FILIP1L: variants seen among roughly 807,000 people sequenced by gnomAD.
FILIP1L encodes the protein filamin A-interacting protein 1-like.
A neutral mutation model predicts 96.6 loss-of-function variants in FILIP1L; 55 were observed. The ratio of observed to expected loss-of-function variants is 0.57; its 90% CI spans 0.46 to 0.71. The LOEUF (loss-of-function observed/expected upper bound fraction) is 0.71, where lower values mean the gene tolerates loss of function less well. FILIP1L is among the 30% of genes least tolerant of loss of function. FILIP1L has a pLI of 0.00. For missense variants in FILIP1L, 1,304 were observed against 1,321.2 expected, an observed-to-expected ratio of 0.99 and a Z score of 0.20; for synonymous variants, 467 against 473.9, an observed-to-expected ratio of 0.99 and a Z score of 0.19.
chr3:99,835,993 G>C (rs1260899181), intron 5 of FILIP1L, among the ~76,000 whole-genome samples: 1 of 152,152 alleles, frequency 6.6e-6, no homozygotes, highest in Non-Finnish European at 1.5e-5. Context: ...GTGAAGATGT[G>C]AGGGTATGTC....
chr3:100,027,265 C>A (rs1321092799), intron 1 of FILIP1L, among the ~76,000 whole-genome samples: 1 of 152,114 alleles, frequency 6.6e-6, no homozygotes, highest in African/African-American at 2.4e-5. Context: ...TGGATAGGGA[C>A]TTTATATGAT....
chr3:99,831,062 C>A (rs1408117799), intron 5 of FILIP1L, among the ~76,000 whole-genome samples: 1 of 152,150 alleles, frequency 6.6e-6, no homozygotes, highest in East Asian at 1.9e-4. Context: ...ATTAGTGGAA[C>A]AGCTTGGTAG....
At chr3:99,935,256 T>C in intron 1 of FILIP1L, among the ~76,000 whole-genome samples, 1 of 87,966 alleles carries the variant, frequency 1.1e-5, no homozygotes, top group Non-Finnish European at 2.2e-5. Flanking sequence ...TTTGGGATTT[T>C]CAGGGTACCA....
At chr3:100,083,140 C>G (rs1189365892) in intron 1 of FILIP1L, among the ~76,000 whole-genome samples, 1 of 152,128 alleles carries the variant, frequency 6.6e-6, no homozygotes, top group African/African-American at 2.4e-5. Context: ...CAGTCAGTAC[C>G]TGACAGGGTC....
At chr3:100,058,951 A>G (rs2065512111) in intron 1 of FILIP1L, among the ~76,000 whole-genome samples, 1 of 152,238 alleles carries the variant, frequency 6.6e-6, no homozygotes, top group African/African-American at 2.4e-5. Context: ...AGCATGGAGA[A>G]GGCATTTGGT....
intron 4 of FILIP1L, among the ~76,000 whole-genome samples, chr3:99,895,377 C>CT (rs35156845): frequency 0.022 from 2,766 of 128,086 alleles, 47 homozygotes; most frequent in Middle Eastern, 0.042. Flanking sequence ...GTCAGCAGGA[C>CT]TTTTTTTTTT....
chr3:99,972,091 T>C (rs1271900674), intron 1 of FILIP1L, among the ~76,000 whole-genome samples: 2 of 152,240 alleles, frequency 1.3e-5, no homozygotes, highest in Non-Finnish European at 1.5e-5. Flanking sequence ...GAGAGGAACC[T>C]GGTTCTGACA....
chr3:100,027,092 C>T (rs1184827492), intron 1 of FILIP1L, among the ~76,000 whole-genome samples: 1 of 152,124 alleles, frequency 6.6e-6, no homozygotes, highest in African/African-American at 2.4e-5. Flanking sequence ...GTCATCTTCT[C>T]AGTGAAACCT....
chr3:100,021,993 G>GAT (rs1559728716), intron 1 of FILIP1L, among the ~76,000 whole-genome samples: 9 of 146,560 alleles, frequency 6.1e-5, no homozygotes, highest in African/African-American at 2.3e-4. Context: ...GAGAGAGAGA[G>GAT]ATATGAGGGG....
At chr3:100,001,244 C>A (rs985904827) in intron 1 of FILIP1L, among the ~76,000 whole-genome samples, 1 of 152,184 alleles carries the variant, frequency 6.6e-6, no homozygotes, top group Non-Finnish European at 1.5e-5. Flanking sequence ...TCAAATCAGA[C>A]CCTTAATCTG....
intron 1 of FILIP1L, among the ~76,000 whole-genome samples, chr3:99,996,503 G>A (rs1323660358): frequency 2.0e-5 from 3 of 152,014 alleles, no homozygotes; most frequent in South Asian, 4.2e-4. Context: ...CCACATTTTC[G>A]GGTATCTTTT....
intron 5 of FILIP1L, among the ~76,000 whole-genome samples, chr3:99,845,687 C>T (rs1943333201): frequency 6.6e-6 from 1 of 152,158 alleles, no homozygotes; most frequent in Non-Finnish European, 1.5e-5. Flanking sequence ...CAGAAATCTA[C>T]ATTGTGTCAT....
At position 99,850,744 on chromosome 3, in the gene FILIP1L, G is replaced by A. The variant is rs369472685; in HGVS notation, c.932C>T (p.Ala311Val). The change falls in exon 5 of 6, where the codon GCG becomes GTG. Residue 311 changes from alanine (A) to valine (V), a missense_variant. Coordinates refer to ENST00000477258, the MANE Select transcript of FILIP1L (RefSeq NM_001387850.1). Reference sequence around the variant, plus strand: ...TTGACTGTCCTCATTGGTGAGCTTCGCCATAATTGTGTCTTGGTCTTGGTG... The same window carrying A: ...TTGACTGTCCTCATTGGTGAGCTTCACCATAATTGTGTCTTGGTCTTGGTG... ...KFHQDQDTIM[A>V]KLTNEDSQNR... 7.4e-6 allele frequency: 12 copies of A among 1,614,008 alleles called. No individual in the cohort carries two copies. The East Asian group carries it at 1.1e-4, about 15-fold the overall frequency.
At chr3:99,832,763 C>T (rs1391819215) in intron 5 of FILIP1L, among the ~76,000 whole-genome samples, 1 of 147,620 alleles carries the variant, frequency 6.8e-6, no homozygotes, top group African/African-American at 2.5e-5. Context: ...TCGCTTGAAC[C>T]CACGAGGCGG....
In FILIP1L at chr3:99,840,997, A is replaced by T. The variant is rs188100946; in HGVS notation, c.3381+7298T>A. Among the ~76,000 whole-genome samples, 10 of 152,330 alleles carry T rather than the reference A, an allele frequency of 6.6e-5. No individual in the cohort carries two copies. The East Asian group carries it at 1.9e-3, about 29-fold the overall frequency. ...ATACTCTTGTTTCATTTCTTTGCCC[A>T]GGTTAATAAGCTCTTCAAGGGCAGT... On this transcript the variant is annotated intron_variant, in intron 5 of 5. Coordinates refer to ENST00000477258, the MANE Select transcript of FILIP1L (RefSeq NM_001387850.1).
rs545027192 is a variant in FILIP1L, at chr3:99,903,880, T to C, written c.605+20350A>G. Among the ~76,000 whole-genome samples the C allele has an allele frequency of 6.1e-4, 93 of 152,334 alleles. 1 individual carries two copies. Among genetic ancestry groups the C allele is most frequent in the South Asian group, 1.9e-3 (9 of 4,822 alleles). On this transcript the variant is annotated intron_variant, in intron 4 of 5. Transcript: ENST00000477258. Reference sequence around the variant, plus strand: ...TAATAGAGCTGTCGTCCCCTGCTGCTTCATTTAATGGTACTCATTTGTCCT... The same window carrying C: ...TAATAGAGCTGTCGTCCCCTGCTGCCTCATTTAATGGTACTCATTTGTCCT...
At chr3:99,918,078 A>G (rs1211404820) in intron 4 of FILIP1L, among the ~76,000 whole-genome samples, 1 of 152,126 alleles carries the variant, frequency 6.6e-6, no homozygotes, top group Non-Finnish European at 1.5e-5. Flanking sequence ...CTTGGGTTCA[A>G]GTGATCCTTC....
intron 4 of FILIP1L, among the ~76,000 whole-genome samples, chr3:99,901,692 T>C (rs1576559355): frequency 6.6e-6 from 1 of 152,228 alleles, no homozygotes; most frequent in Non-Finnish European, 1.5e-5. Flanking sequence ...GTAACTCTAC[T>C]CTCAGCCAAG....
At chr3:99,983,420 GTATGTATGTATGTATATATATGTA>G (rs1709201433) in intron 1 of FILIP1L, among the ~76,000 whole-genome samples, 1 of 59,360 alleles carries the variant, frequency 1.7e-5, no homozygotes, top group African/African-American at 8.7e-5. Flanking sequence ...ATATATATAT[GTATGTATGTATGTATATATATGTA>G]TGTATATATA....
Sources: allele counts gnomAD v4.1 joint callset (sites outside exome capture counted in the v4.1 genomes callset), GRCh38; gene constraint gnomAD v4.1.1; transcripts MANE v1.5; gene names NCBI Gene and HGNC (gene_info 2026-07-23, HGNC 2026-07-21).